SPIN1: variants seen among roughly 807,000 people sequenced by gnomAD.
The protein encoded by SPIN1 is spindlin 1, also known as spindlin-1.
In SPIN1, 3 loss-of-function variants were observed where a neutral mutation model predicts 26.0. The observed-to-expected ratio is 0.12, with a 90% CI of 0.05 to 0.30. The LOEUF is 0.30. SPIN1 is among the 10% of genes least tolerant of loss of function. The probability of loss-of-function intolerance (pLI) is 1.00; values close to 1 mark genes in which losing one functional copy is unlikely to be tolerated. For synonymous variants in SPIN1, 101 were observed against 116.5 expected (o/e 0.87, Z 0.86); for missense variants, 126 against 333.4 (o/e 0.38, Z 4.84).
intron 1 of SPIN1, among the ~76,000 whole-genome samples, chr9:88,419,622 A>G (rs1029549745): frequency 6.6e-6 from 1 of 152,256 alleles, no homozygotes; most frequent in Admixed American, 6.5e-5. Flanking sequence ...AAAATCCAGC[A>G]TCTTTTTTTC....
At position 88,465,618 on chromosome 9, in the gene SPIN1, C is replaced by T. The variant is rs535249347; in HGVS notation, c.356-2754C>T. On this transcript the variant is annotated intron_variant, in intron 4 of 5. Transcript: ENST00000375859. ...TCTTTGGGGAAATATCTACTCACAT[C>T]CTTTGACCATTTTTTAATTAGGTTA... Among the ~76,000 whole-genome samples the T allele has an allele frequency of 6.6e-5, 10 of 152,224 alleles. No homozygotes were observed. In the South Asian group the frequency reaches 2.1e-3, roughly 32 times the overall value.
intron 1 of SPIN1, among the ~76,000 whole-genome samples, chr9:88,399,462 G>A (rs1439546387): frequency 6.6e-6 from 1 of 152,210 alleles, no homozygotes; most frequent in Admixed American, 6.5e-5. Flanking sequence ...CACAGGCAAG[G>A]TACATGGAAA....
chr9:88,422,031 A>G (rs1213557352), intron 1 of SPIN1, among the ~76,000 whole-genome samples: 1 of 152,172 alleles, frequency 6.6e-6, no homozygotes. Context: ...TTATCTTTCA[A>G]TTCCGTTGTA....
At chr9:88,470,986 G>A (rs1317928373) in intron 5 of SPIN1, among the ~76,000 whole-genome samples, 2 of 152,116 alleles carry the variant, frequency 1.3e-5, no homozygotes, top group Non-Finnish European at 2.9e-5. Flanking sequence ...TTATTGCATT[G>A]TGACAATTTT....
intron 1 of SPIN1, among the ~76,000 whole-genome samples, chr9:88,405,385 T>C (rs933116453): frequency 1.4e-5 from 2 of 146,120 alleles, no homozygotes; most frequent in African/African-American, 5.1e-5. Context: ...TGCGCCACCA[T>C]GCCCGGCTAA....
intron 1 of SPIN1, among the ~76,000 whole-genome samples, chr9:88,403,929 C>T (rs1316424750): frequency 1.3e-5 from 2 of 152,062 alleles, no homozygotes; most frequent in African/African-American, 2.4e-5. Flanking sequence ...CTGAGAACTG[C>T]GTTGTTAGGT....
intron 1 of SPIN1, among the ~76,000 whole-genome samples, chr9:88,423,905 A>G (rs917732190): frequency 5.3e-5 from 8 of 152,200 alleles, no homozygotes; most frequent in African/African-American, 1.9e-4. Flanking sequence ...AGCTGGGACC[A>G]AGGGCATACG....
At chr9:88,432,360 G>A (rs929606949) in intron 2 of SPIN1, among the ~76,000 whole-genome samples, 6 of 151,876 alleles carry the variant, frequency 4.0e-5, no homozygotes, top group African/African-American at 9.7e-5. Flanking sequence ...GCTAATTTTT[G>A]TATTTTTAGT....
intron 2 of SPIN1, among the ~76,000 whole-genome samples, chr9:88,443,061 A>C (rs1180294145): frequency 6.7e-6 from 1 of 148,450 alleles, no homozygotes; most frequent in Admixed American, 6.7e-5. Flanking sequence ...CAGAGGTTGC[A>C]GTGAGCCAAG....
intron 2 of SPIN1, among the ~76,000 whole-genome samples, chr9:88,439,890 G>A (rs375003512): frequency 6.6e-6 from 1 of 152,022 alleles, no homozygotes; most frequent in African/African-American, 2.4e-5. Flanking sequence ...TGGATTTCTT[G>A]TATCTAGCAT....
chr9:88,455,563 T>C (rs924028465), intron 3 of SPIN1, among the ~76,000 whole-genome samples: 3 of 152,208 alleles, frequency 2.0e-5, no homozygotes, highest in Non-Finnish European at 4.4e-5. Context: ...TATAATGCCA[T>C]CACCCAGAGA....
chr9:88,388,742 G>C (rs1233399917), intron 1 of SPIN1, among the ~76,000 whole-genome samples: 2 of 149,058 alleles, frequency 1.3e-5, no homozygotes, highest in Admixed American at 1.3e-4. Flanking sequence ...TGGGCCTCGG[G>C]GCGGGCGCGC....
At chr9:88,452,640 A>C (rs1460038044) in intron 3 of SPIN1, among the ~76,000 whole-genome samples, 1 of 152,186 alleles carries the variant, frequency 6.6e-6, no homozygotes, top group Non-Finnish European at 1.5e-5. Flanking sequence ...AAAGTAGTGA[A>C]AGGAAACATG....
chr9:88,415,693 A>AT (rs1827545996), intron 1 of SPIN1: 1 of 152,228 alleles, frequency 6.6e-6, no homozygotes, highest in African/African-American at 2.4e-5. Context: ...AAGTGTTGGG[A>AT]TTACAGGTTT....
At chr9:88,434,050 G>A (rs1306659087) in intron 2 of SPIN1, among the ~76,000 whole-genome samples, 1 of 152,082 alleles carries the variant, frequency 6.6e-6, no homozygotes, top group African/African-American at 2.4e-5. Flanking sequence ...GTGAGTCATA[G>A]GGTTGGAAGT....
chr9:88,426,760 G>C (rs992635884), intron 2 of SPIN1, among the ~76,000 whole-genome samples, 169 bp downstream of exon 2: 2 of 152,134 alleles, frequency 1.3e-5, no homozygotes, highest in African/African-American at 4.8e-5. Flanking sequence ...TTCTTGAAAG[G>C]GAAGTAGTCA....
intron 3 of SPIN1, among the ~76,000 whole-genome samples, chr9:88,460,487 A>G (rs1415797075): frequency 2.0e-5 from 3 of 152,202 alleles, no homozygotes; most frequent in African/African-American, 7.2e-5. Context: ...TAGATAAAAT[A>G]TGAAGGAGAT....
intron 5 of SPIN1, among the ~76,000 whole-genome samples, chr9:88,469,383 G>A (rs983902832): frequency 6.6e-6 from 1 of 152,194 alleles, no homozygotes; most frequent in Non-Finnish European, 1.5e-5. Flanking sequence ...TAACTTTTCA[G>A]TAGCAAGTGG....
intron 1 of SPIN1, among the ~76,000 whole-genome samples, chr9:88,413,027 G>A (rs935110610): frequency 1.3e-5 from 2 of 150,748 alleles, no homozygotes; most frequent in African/African-American, 4.9e-5. Flanking sequence ...TTGGTATATA[G>A]ATAATTCAGA....
Sources: allele counts gnomAD v4.1 joint callset (sites outside exome capture counted in the v4.1 genomes callset), GRCh38; gene constraint gnomAD v4.1.1; transcripts MANE v1.5; gene names NCBI Gene and HGNC (gene_info 2026-07-23, HGNC 2026-07-21).